The following SLC25A48 variants were observed in gnomAD, a reference collection of about 807,000 sequenced individuals.
SLC25A48 encodes the protein solute carrier family 25 member 48, also known as CTC-321K16.1.
A neutral mutation model predicts 32.2 loss-of-function variants in SLC25A48; 29 were observed. The ratio of observed to expected loss-of-function variants is 0.90; its 90% CI spans 0.67 to 1.23. The LOEUF (loss-of-function observed/expected upper bound fraction) is 1.23. SLC25A48 is among the 50% of genes most tolerant of loss of function. SLC25A48 has a pLI of 0.00. For synonymous variants in SLC25A48, 164 were observed against 172.3 expected, an observed-to-expected ratio of 0.95 and a Z score of 0.38; for missense variants, 399 against 422.7, an observed-to-expected ratio of 0.94 and a Z score of 0.49.
At position 135,722,476 on chromosome 5, in the gene SLC25A48, C is replaced by T. The variant is rs74719024; in HGVS notation, c.-521+87520C>T. On this transcript the variant is annotated intron_variant, in intron 3 of 10. Coordinates refer to the SLC25A48 transcript ENST00000646290. ...TTTTTATTTTCTTTCTCTTTTCAGA[C>T]ACCTTGCCACGTGTTTACATTTTTT... 5.0e-3 allele frequency among the ~76,000 whole-genome samples: 759 copies of T among 152,306 alleles called. 6 individuals carry two copies. Among genetic ancestry groups the T allele is most frequent in the African/African-American group, 0.017 (719 of 41,578 alleles).
At chr5:135,796,743 G>A (rs929675481) in intron 3 of SLC25A48, among the ~76,000 whole-genome samples, 7 of 151,310 alleles carry the variant, frequency 4.6e-5, no homozygotes, top group African/African-American at 9.7e-5. Flanking sequence ...ATAGTATTGC[G>A]GGGTGTGTAA....
intron 4 of SLC25A48, among the ~76,000 whole-genome samples, chr5:135,820,314 T>C (rs756791834): frequency 2.6e-5 from 4 of 152,174 alleles, no homozygotes; most frequent in Non-Finnish European, 5.9e-5. Context: ...CAAAAGAACA[T>C]GCACTGTGTG....
chr5:135,818,092 T>TCTCTCTCTCTCTCTCC (rs1757779691), intron 4 of SLC25A48, among the ~76,000 whole-genome samples: 1 of 146,100 alleles, frequency 6.8e-6, no homozygotes, highest in African/African-American at 2.5e-5. Flanking sequence ...TCTCTCTCTC[T>TCTCTCTCTCTCTCTCC]CTCTCTCTCT....
intron 3 of SLC25A48, among the ~76,000 whole-genome samples, chr5:135,790,443 A>C (rs1220000585): frequency 2.0e-5 from 3 of 151,686 alleles, no homozygotes; most frequent in Non-Finnish European, 4.4e-5. Context: ...ATTTGTGTAC[A>C]TCCTGTTTTA....
At chr5:135,778,366 AC>A (rs1233835164) in intron 3 of SLC25A48, among the ~76,000 whole-genome samples, 2 of 151,072 alleles carry the variant, frequency 1.3e-5, no homozygotes, top group East Asian at 3.9e-4. Flanking sequence ...GAAGATGTAC[AC>A]CCCCGATGTG....
At chr5:135,883,558 G>A (rs1209786585) in intron 7 of SLC25A48, 2 of 839,660 alleles carry the variant, frequency 2.4e-6, no homozygotes, top group East Asian at 1.2e-4. Context: ...CAGGCCCAGA[G>A]GGAAAACCCC....
chr5:135,628,745 G>GACAAAT (rs1222649370), intron 1 of SLC25A48, among the ~76,000 whole-genome samples: 2 of 152,106 alleles, frequency 1.3e-5, no homozygotes, highest in Non-Finnish European at 2.9e-5. Context: ...GTAGATATAG[G>GACAAAT]ACAAATACAA....
chr5:135,588,695 G>A (rs1011071859), intron 1 of SLC25A48, among the ~76,000 whole-genome samples: 1 of 152,192 alleles, frequency 6.6e-6, no homozygotes, highest in Non-Finnish European at 1.5e-5. Context: ...GGTGAGTGAA[G>A]GTGACCCGCA....
At chr5:135,591,979 C>T (rs1325606766) in intron 1 of SLC25A48, among the ~76,000 whole-genome samples, 1 of 152,140 alleles carries the variant, frequency 6.6e-6, no homozygotes, top group African/African-American at 2.4e-5. Flanking sequence ...TGAGGAACTC[C>T]TGGGATGGGA....
In SLC25A48 at chr5:135,657,781, A is replaced by C. The variant is rs537973731; in HGVS notation, c.-521+22825A>C. On this transcript the variant is annotated intron_variant, in intron 3 of 10. Coordinates refer to the SLC25A48 transcript ENST00000646290. ...TTGCTGTGGGTGACAGCCAACTGGA[A>C]GAAATGCATTAGCCCGATGAACTGA... Among the ~76,000 whole-genome samples the C allele has an allele frequency of 5.9e-5, 9 of 152,354 alleles. No homozygotes were observed. The South Asian group carries it at 1.4e-3, about 25-fold the overall frequency.
At chr5:135,700,852 G>A (rs1267744607) in intron 3 of SLC25A48, among the ~76,000 whole-genome samples, 2 of 152,228 alleles carry the variant, frequency 1.3e-5, no homozygotes, top group East Asian at 1.9e-4. Context: ...CACGTGCTCC[G>A]AGGCCTGCCA....
intron 1 of SLC25A48, among the ~76,000 whole-genome samples, chr5:135,619,349 T>G (rs536624273): frequency 3.9e-5 from 6 of 152,318 alleles, no homozygotes; most frequent in Admixed American, 3.3e-4. Flanking sequence ...CCAGAATTTC[T>G]ATTTGGTTCT....
intron 1 of SLC25A48, among the ~76,000 whole-genome samples, chr5:135,579,951 A>C (rs1400237711): frequency 6.6e-6 from 1 of 152,168 alleles, no homozygotes; most frequent in Non-Finnish European, 1.5e-5. Flanking sequence ...CATCATCTGT[A>C]AAGTGCAGAT....
chr5:135,632,244 T>C (rs1337309031), intron 2 of SLC25A48, among the ~76,000 whole-genome samples: 1 of 152,226 alleles, frequency 6.6e-6, no homozygotes, highest in Admixed American at 6.5e-5. Context: ...AAAGGTTTCA[T>C]GCAGGAAAGC....
chr5:135,667,161 T>G (rs1361511287), intron 3 of SLC25A48, among the ~76,000 whole-genome samples: 1 of 152,204 alleles, frequency 6.6e-6, no homozygotes, highest in East Asian at 1.9e-4. Context: ...TCTGAGCCTG[T>G]GCTGCCCTTG....
intron 3 of SLC25A48, among the ~76,000 whole-genome samples, chr5:135,643,131 C>T (rs933550241): frequency 6.6e-5 from 10 of 152,180 alleles, no homozygotes; most frequent in East Asian, 1.9e-4. Context: ...ACCCGGACTG[C>T]GACACATCCT....
At position 135,756,708 on chromosome 5, in the gene SLC25A48, TAGTGTTAACACAC is replaced by T. The variant is rs559287775; in HGVS notation, c.-520-55801_-520-55789del. On this transcript the variant is annotated intron_variant, in intron 3 of 10. Coordinates refer to the SLC25A48 transcript ENST00000646290. ...TTATCTGTATGATACCTATAATATG[TAGTGTTAACACAC>T]AGTGTTAACACACCATAATATTAAT... 2.6e-3 allele frequency among the ~76,000 whole-genome samples: 392 copies of T among 152,190 alleles called. 2 individuals carry two copies. The highest frequency in any genetic ancestry group is 8.2e-3 in the African/African-American group (341 of 41,564).
chr5:135,664,837 A>T (rs1342237867), intron 3 of SLC25A48, among the ~76,000 whole-genome samples: 1 of 152,192 alleles, frequency 6.6e-6, no homozygotes, highest in Non-Finnish European at 1.5e-5. Flanking sequence ...ATGGGTGCTT[A>T]GGTTGGTTCC....
chr5:135,791,920 C>T (rs1392632988), intron 3 of SLC25A48, among the ~76,000 whole-genome samples: 1 of 151,486 alleles, frequency 6.6e-6, no homozygotes, highest in Admixed American at 6.6e-5. Context: ...ATGTAATATC[C>T]TAAGAAGATA....
Sources: allele counts gnomAD v4.1 joint callset (sites outside exome capture counted in the v4.1 genomes callset), GRCh38; gene constraint gnomAD v4.1.1; transcripts MANE v1.5; gene names NCBI Gene and HGNC (gene_info 2026-07-23, HGNC 2026-07-21).